The following PSPC1 variants were observed in gnomAD, a reference collection of about 807,000 sequenced individuals.
PSPC1 encodes paraspeckle protein 1.
PSPC1 carries 14 observed loss-of-function variants against 51.6 expected under a neutral mutation model. The ratio of observed to expected loss-of-function variants is 0.27; its 90% confidence interval spans 0.18 to 0.42. The LOEUF is 0.42. Among genes scored for constraint, PSPC1 ranks in the 10% least tolerant of loss-of-function variants. The pLI is 1.00. For missense variants in PSPC1, 406 were observed against 701.1 expected, an observed-to-expected ratio of 0.58 and a Z score of 4.75; for synonymous variants, 193 against 231.9, an observed-to-expected ratio of 0.83 and a Z score of 1.53.
intron 7 of PSPC1, among the ~76,000 whole-genome samples, chr13:19,706,907 T>C (rs893339156): frequency 1.3e-5 from 2 of 152,144 alleles, no homozygotes; most frequent in African/African-American, 4.8e-5. Context: ...CCCAGAAACC[T>C]AGCAAATTCA....
intron 1 of PSPC1, among the ~76,000 whole-genome samples, chr13:19,774,300 G>T (rs1388638420): frequency 6.6e-6 from 1 of 152,160 alleles, no homozygotes; most frequent in Non-Finnish European, 1.5e-5. Flanking sequence ...TATGTAAGAA[G>T]AATACAAACA....
chr13:19,688,237 T>C (rs1878154842), intron 6 of PSPC1, among the ~76,000 whole-genome samples: 1 of 152,112 alleles, frequency 6.6e-6, no homozygotes, highest in African/African-American at 2.4e-5. Flanking sequence ...GGGCAACAGG[T>C]TTCATGTGTA....
intron 8 of PSPC1, among the ~76,000 whole-genome samples, chr13:19,704,339 T>A (rs535447086): frequency 6.6e-6 from 1 of 152,272 alleles, no homozygotes; most frequent in Non-Finnish European, 1.5e-5. Flanking sequence ...ACTATCATTT[T>A]AAAAAATCCA....
intron 6 of PSPC1, among the ~76,000 whole-genome samples, chr13:19,711,022 G>C (rs1881338423): frequency 6.6e-6 from 1 of 151,236 alleles, no homozygotes; most frequent in African/African-American, 2.4e-5. Flanking sequence ...ATTTTTTTTT[G>C]TAGAGATAGG....
chr13:19,765,912 A>G (rs555781351), intron 2 of PSPC1, among the ~76,000 whole-genome samples: 31 of 152,220 alleles, frequency 2.0e-4, no homozygotes, highest in Non-Finnish European at 4.3e-4. Context: ...TTTTTCTTAA[A>G]GAATTTTTTT....
Position 19,736,605 on chromosome 13 carries a change from C to T in PSPC1, c.1052+4960G>A, listed in dbSNP as rs575360382. 7.2e-5 allele frequency among the ~76,000 whole-genome samples: 11 copies of T among 152,216 alleles called. No homozygotes were observed. The South Asian group carries it at 2.3e-3, about 32-fold the overall frequency. ...GGCTGAGGCAGGAGAATGGCATGAA[C>T]CTGGGAGGCAGAGCTTGCAGTGAGC... On this transcript the variant is annotated intron_variant, in intron 5 of 8. Transcript: ENST00000338910.
At chr13:19,694,963 A>G (rs953871412) in intron 6 of PSPC1, among the ~76,000 whole-genome samples, 1 of 152,240 alleles carries the variant, frequency 6.6e-6, no homozygotes, top group Non-Finnish European at 1.5e-5. Flanking sequence ...CACAAATGCT[A>G]TCAGGGCAAA....
intron 2 of PSPC1, among the ~76,000 whole-genome samples, chr13:19,766,402 A>C (rs561837860): frequency 1.3e-5 from 2 of 152,190 alleles, no homozygotes; most frequent in South Asian, 2.1e-4. Flanking sequence ...TCAATCAATC[A>C]ATCCTACCAG....
At chr13:19,691,156 C>T (rs1207430610) in intron 6 of PSPC1, among the ~76,000 whole-genome samples, 2 of 152,190 alleles carry the variant, frequency 1.3e-5, no homozygotes, top group South Asian at 4.1e-4. Flanking sequence ...ATTTTTCCTC[C>T]TGAAAATTTT....
chr13:19,690,451 T>C (rs1202977578), intron 6 of PSPC1, among the ~76,000 whole-genome samples: 2 of 152,166 alleles, frequency 1.3e-5, no homozygotes, highest in Non-Finnish European at 2.9e-5. Flanking sequence ...CTTCAATGTA[T>C]AACAAAGGAA....
In PSPC1 at chr13:19,708,355, A is replaced by G. The variant is rs138769974; in HGVS notation, c.1216+1187T>C. 9.7e-3 allele frequency among the ~76,000 whole-genome samples: 1,472 copies of G among 152,318 alleles called. 22 individuals are homozygous for G. Among genetic ancestry groups the G allele is most frequent in the African/African-American group, 0.032 (1,319 of 41,560 alleles). ...TAATCTTTGAAACTATGTACTTTTA[A>G]GTTATATAAAGATTTTTAGCTTCAT... On this transcript the variant is annotated intron_variant, in intron 7 of 8. Coordinates refer to ENST00000338910, the MANE Select transcript of PSPC1 (RefSeq NM_001354909.2).
At chr13:19,709,331 T>C (rs1881115352) in intron 7 of PSPC1, among the ~76,000 whole-genome samples, 1 of 152,172 alleles carries the variant, frequency 6.6e-6, no homozygotes, top group South Asian at 2.1e-4. Context: ...TCTTTTAGCC[T>C]TCAAACAAAA....
At chr13:19,742,310 G>A (rs182356057) in intron 4 of PSPC1, among the ~76,000 whole-genome samples, 15 of 150,144 alleles carry the variant, frequency 1.0e-4, no homozygotes, top group East Asian at 9.9e-4. Flanking sequence ...TCATCTTTAC[G>A]TCAAGAAATT....
At chr13:19,781,761 C>T (rs1889993989) in intron 1 of PSPC1, among the ~76,000 whole-genome samples, 1 of 151,896 alleles carries the variant, frequency 6.6e-6, no homozygotes, top group South Asian at 2.1e-4. Flanking sequence ...GGCAACATAG[C>T]GAGACCCCAT....
downstream of PSPC1, chr13:19,672,302 A>T (rs143366304): frequency 2.4e-5 from 4 of 165,540 alleles, no homozygotes; most frequent in African/African-American, 9.5e-5. Flanking sequence ...CCGCCATGGC[A>T]CCCAGCTAAT....
chr13:19,680,520 C>T (rs967648924), intron 6 of PSPC1, among the ~76,000 whole-genome samples: 2 of 152,044 alleles, frequency 1.3e-5, no homozygotes, highest in Admixed American at 6.5e-5. Context: ...TCAAAATATG[C>T]GAAGTCCTAG....
At chr13:19,687,480 T>G (rs898542927) in intron 6 of PSPC1, among the ~76,000 whole-genome samples, 7 of 152,198 alleles carry the variant, frequency 4.6e-5, no homozygotes, top group African/African-American at 1.7e-4. Context: ...TGTTGCTTAC[T>G]CTACTGACAA....
chr13:19,763,127 A>T (rs2138227595), intron 2 of PSPC1, among the ~76,000 whole-genome samples: 1 of 152,124 alleles, frequency 6.6e-6, no homozygotes, highest in Non-Finnish European at 1.5e-5. Flanking sequence ...ACTCAACTTA[A>T]ATTCTGTTTA....
intron 2 of PSPC1, among the ~76,000 whole-genome samples, chr13:19,763,875 C>T (rs1004585356): frequency 2.0e-5 from 3 of 151,996 alleles, no homozygotes; most frequent in African/African-American, 7.3e-5. Context: ...GGCCGGGCAG[C>T]GGCTGTGGTC....
Sources: allele counts gnomAD v4.1 joint callset (sites outside exome capture counted in the v4.1 genomes callset), GRCh38; gene constraint gnomAD v4.1.1; transcripts MANE v1.5; gene names NCBI Gene and HGNC (gene_info 2026-07-23, HGNC 2026-07-21).